ATG10: variants seen among roughly 807,000 people sequenced by gnomAD.
ATG10 encodes the protein autophagy related 10.
ATG10 carries 30 observed loss-of-function variants against 32.1 expected under a neutral mutation model. That is an observed-to-expected ratio of 0.94 (90% CI 0.70 to 1.27). The LOEUF is 1.27. Ranked by LOEUF, ATG10 falls within the 50% of genes most tolerant of loss-of-function variation. The pLI is 0.00. For missense variants in ATG10, 233 were observed against 262.3 expected, an observed-to-expected ratio of 0.89 and a Z score of 0.77; for synonymous variants, 87 against 91.5, an observed-to-expected ratio of 0.95 and a Z score of 0.28.
At chr5:82,011,035 C>T (rs142922039) in intron 2 of ATG10, among the ~76,000 whole-genome samples, 182 of 152,274 alleles carry the variant, frequency 1.2e-3, no homozygotes, top group African/African-American at 4.2e-3. Flanking sequence ...CCACTGCGTT[C>T]CCATATTTCT....
rs1402265885 is a variant in ATG10, at chr5:82,138,965, G to T, written c.217-25434G>T. On this transcript the variant is annotated intron_variant, in intron 3 of 7. Transcript: ENST00000282185. ...TGCAACCTCCCTGCCTGATTCTCCT[G>T]CCTCAGTCTGCCAAATGCCTGCGAT... Among the ~76,000 whole-genome samples, 6 of 148,896 alleles carry T rather than the reference G, an allele frequency of 4.0e-5. No individual in the cohort carries two copies. The East Asian group carries it at 1.0e-3, about 25-fold the overall frequency.
At chr5:82,074,172 A>C (rs919754211) in intron 3 of ATG10, among the ~76,000 whole-genome samples, 6 of 152,198 alleles carry the variant, frequency 3.9e-5, no homozygotes, top group South Asian at 2.1e-4. Context: ...ACTTTGCTTC[A>C]TCAAGACCTG....
At chr5:81,986,833 C>G (rs1450995007) in intron 1 of ATG10, among the ~76,000 whole-genome samples, 1 of 152,098 alleles carries the variant, frequency 6.6e-6, no homozygotes, top group Non-Finnish European at 1.5e-5. Context: ...CGCTTGAGGT[C>G]AAGAGTTTAG....
rs375959896 is a variant in ATG10 at position 82,081,672 on chromosome 5, G to A, written c.216+23070G>A. Among the ~76,000 whole-genome samples the A allele has an allele frequency of 3.1e-3, 479 of 152,260 alleles. 1 individual carries two copies. The highest frequency in any genetic ancestry group is 5.1e-3 in the Non-Finnish European group (344 of 68,022). On this transcript the variant is annotated intron_variant, in intron 3 of 7. Coordinates refer to ENST00000282185, the MANE Select transcript of ATG10 (RefSeq NM_031482.5). ...TGCTGGATTACGTTTATTGATTTGCGTATGTTGAACCAGCCTTACATACCA... is the reference window on the plus strand; with the variant it reads ...TGCTGGATTACGTTTATTGATTTGCATATGTTGAACCAGCCTTACATACCA...
chr5:82,174,865 C>T (rs987888427), intron 4 of ATG10, among the ~76,000 whole-genome samples: 1 of 152,172 alleles, frequency 6.6e-6, no homozygotes, highest in Non-Finnish European at 1.5e-5. Flanking sequence ...AAAGAGACTG[C>T]AGTGGCCCTT....
At chr5:81,978,307 T>G (rs940478377) in intron 1 of ATG10, among the ~76,000 whole-genome samples, 2 of 152,130 alleles carry the variant, frequency 1.3e-5, no homozygotes, top group Non-Finnish European at 2.9e-5. Flanking sequence ...TGACCTCAGG[T>G]GATCCATCCA....
intron 5 of ATG10, among the ~76,000 whole-genome samples, chr5:82,186,098 T>G (rs1744434864): frequency 6.6e-6 from 1 of 152,214 alleles, no homozygotes; most frequent in South Asian, 2.1e-4. Context: ...ACGAGAAAAT[T>G]AAGAAGGCTT....
intron 2 of ATG10, among the ~76,000 whole-genome samples, chr5:81,993,930 G>T (rs998335423): frequency 1.5e-4 from 23 of 152,140 alleles, no homozygotes; most frequent in Non-Finnish European, 2.9e-4. Context: ...TTATAAGGGG[G>T]AGCCAAAGAA....
At chr5:82,083,038 C>A (rs1284290271) in intron 3 of ATG10, among the ~76,000 whole-genome samples, 1 of 152,174 alleles carries the variant, frequency 6.6e-6, no homozygotes, top group Non-Finnish European at 1.5e-5. Flanking sequence ...GAGGCATCGC[C>A]TCACCCGGGA....
intron 5 of ATG10, among the ~76,000 whole-genome samples, chr5:82,182,945 A>G (rs1045412545): frequency 6.6e-6 from 1 of 152,050 alleles, no homozygotes; most frequent in Non-Finnish European, 1.5e-5. Context: ...GGGTCTTACT[A>G]TGTTCCCCAG....
intron 5 of ATG10, among the ~76,000 whole-genome samples, chr5:82,224,050 G>A (rs138324356): frequency 6.6e-6 from 1 of 152,322 alleles, no homozygotes; most frequent in East Asian, 1.9e-4. Flanking sequence ...CGGCCAGGGT[G>A]TGACAAGGCA....
At chr5:82,164,621 G>A in intron 4 of ATG10, 84 bp downstream of exon 4, 1 of 1,347,896 alleles carries the variant, frequency 7.4e-7, no homozygotes, top group South Asian at 1.4e-5. Context: ...ATTCTCCAGA[G>A]GAAAAAAAAT....
chr5:82,214,136 T>C (rs1745590829), intron 5 of ATG10, among the ~76,000 whole-genome samples: 1 of 152,244 alleles, frequency 6.6e-6, no homozygotes, highest in African/African-American at 2.4e-5. Context: ...TCATACCATG[T>C]GGACTTCCAC....
At chr5:81,999,959 G>A (rs1434473552) in intron 2 of ATG10, among the ~76,000 whole-genome samples, 2 of 152,030 alleles carry the variant, frequency 1.3e-5, no homozygotes, top group African/African-American at 2.4e-5. Context: ...AAGAAGAACT[G>A]GTACTATTCC....
chr5:82,066,427 TG>T (rs897274498), intron 3 of ATG10, among the ~76,000 whole-genome samples: 1 of 152,178 alleles, frequency 6.6e-6, no homozygotes, highest in African/African-American at 2.4e-5. Flanking sequence ...AGCCTCAGGT[TG>T]CACCTTCAGA....
chr5:82,098,927 A>G (rs919592327), intron 3 of ATG10, among the ~76,000 whole-genome samples: 2 of 152,250 alleles, frequency 1.3e-5, no homozygotes, highest in African/African-American at 4.8e-5. Flanking sequence ...GAACTTTATA[A>G]GATCAATAAA....
At chr5:82,127,408 C>A (rs1385268353) in intron 3 of ATG10, among the ~76,000 whole-genome samples, 1 of 151,984 alleles carries the variant, frequency 6.6e-6, no homozygotes, top group Non-Finnish European at 1.5e-5. Context: ...CTGCTTCCTC[C>A]TGTGGGCATT....
intron 3 of ATG10, among the ~76,000 whole-genome samples, chr5:82,083,258 T>C (rs1425605360): frequency 2.0e-5 from 3 of 152,150 alleles, no homozygotes; most frequent in Non-Finnish European, 2.9e-5. Flanking sequence ...GAGATCAAAC[T>C]GCAAGGCAGC....
chr5:81,983,837 G>T (rs927243291), intron 1 of ATG10, among the ~76,000 whole-genome samples: 1 of 151,976 alleles, frequency 6.6e-6, no homozygotes, highest in African/African-American at 2.4e-5. Flanking sequence ...GTCGTGGCCA[G>T]GCAGAGACGC....
Sources: gnomAD v4.1 joint callset for allele counts (sites outside exome capture counted in the v4.1 genomes callset) on GRCh38, gnomAD v4.1.1 for gene constraint, MANE v1.5 for transcripts, NCBI Gene and HGNC (gene_info 2026-07-23, HGNC 2026-07-21) for gene names.